CTDSP1: variants seen among roughly 807,000 people sequenced by gnomAD.
The protein encoded by CTDSP1 is carboxy-terminal domain RNA polymerase II polypeptide A small phosphatase 1.
CTDSP1 carries 15 observed loss-of-function variants against 32.5 expected under a neutral mutation model. The observed-to-expected ratio is 0.46, with a 90% CI of 0.31 to 0.71. The LOEUF (loss-of-function observed/expected upper bound fraction) is 0.71. CTDSP1 is among the 30% of genes least tolerant of loss of function. CTDSP1 has a pLI of 0.05. For synonymous variants in CTDSP1, 185 were observed against 145.4 expected (o/e 1.27, Z -1.96); for missense variants, 294 against 351.1 (o/e 0.84, Z 1.30).
chr2:218,401,929 G>A (rs1697166448), intron 2 of CTDSP1, among the ~76,000 whole-genome samples, 182 bp from the exon 3 acceptor site: 1 of 152,202 alleles, frequency 6.6e-6, no homozygotes, highest in Admixed American at 6.5e-5. Flanking sequence ...TTTTTAGAGA[G>A]GTCTCAAAGA....
Position 218,400,302 on chromosome 2 carries a change from G to A in CTDSP1, c.67+145G>A, listed in dbSNP as rs759655402. ...AGCTCCCAGCCCGAGAGGGAGCAGG[G>A]AGAGAGTTTGAACTCAGAGGAGGCT... On this transcript the variant is annotated intron_variant, in intron 1 of 6. Transcript: ENST00000273062. 64 of 796,300 alleles carry A rather than the reference G, an allele frequency of 8.0e-5. No individual in the cohort carries two copies. In the South Asian group the frequency reaches 9.5e-4, roughly 12 times the overall value. The allele number at this position is 796,300 out of a possible 1,614,324, so 49.3% of individuals were successfully genotyped here. A position where few individuals can be genotyped will look rare whatever the true frequency, so the allele number is the denominator to read the frequency against.
chr2:218,398,098 C>T (rs949002296), upstream of CTDSP1, among the ~76,000 whole-genome samples: 1 of 152,130 alleles, frequency 6.6e-6, no homozygotes, highest in African/African-American at 2.4e-5. Context: ...GGCGAGGCCA[C>T]GACTCCACTC....
intron 2 of CTDSP1, 142 bp from the exon 3 acceptor site, chr2:218,401,969 G>A (rs1697167881): frequency 1.4e-6 from 1 of 707,302 alleles, no homozygotes; most frequent in Non-Finnish European, 2.4e-6. Flanking sequence ...CCCTAGAGCT[G>A]GCAGGGGCAA....
Position 218,401,716 on chromosome 2 carries a change from C to T in CTDSP1, c.216+4C>T, listed in dbSNP as rs1308929382. 2.6e-6 allele frequency: 4 copies of T among 1,559,624 alleles called. No homozygotes were observed. Among genetic ancestry groups the T allele is most frequent in the Non-Finnish European group, 3.5e-6 (4 of 1,153,024 alleles). On this transcript the variant is annotated splice_donor_region_variant and intron_variant, in intron 2 of 6. Transcript: ENST00000273062. The stretch of plus-strand genomic sequence containing the variant: ...GGAGAATGGCGCCATCCCTAAGGTG[C>T]GTGGGGGCCAGGTGGGGCCACGGGG...
Position 218,404,602 on chromosome 2 carries a change from TGAG to T in CTDSP1, c.*180_*182del. The T allele has an allele frequency of 1.5e-6, 1 of 684,728 alleles. No individual in the cohort carries two copies. The highest frequency in any genetic ancestry group is 2.4e-6 in the Non-Finnish European group (1 of 421,646). 42.4% of individuals were successfully genotyped at this position (684,728 alleles called of 1,614,324 possible). On this transcript the variant is annotated 3_prime_UTR_variant, in exon 7 of 7. Transcript: ENST00000273062. Reference sequence around the variant, plus strand: ...GCGGTGTAGGGGCAGCAGGCTGCACTGAGGACCGTGAGCTCCAGGCCCCGTGTC... The same window carrying T: ...GCGGTGTAGGGGCAGCAGGCTGCACTGACCGTGAGCTCCAGGCCCCGTGTC...
At chr2:218,401,491 A>T (rs1697136358) in intron 1 of CTDSP1, 73 bp from the exon 2 acceptor site, 2 of 1,558,698 alleles carry the variant, frequency 1.3e-6, no homozygotes, top group African/African-American at 2.7e-5. Context: ...TCAGGGGTTC[A>T]CACCTGGGCA....
chr2:218,401,331 G>C, intron 1 of CTDSP1: 3 of 579,858 alleles, frequency 5.2e-6, no homozygotes, highest in East Asian at 2.9e-5. Flanking sequence ...CACTCCCTAT[G>C]TGGGCGCCTT....
chr2:218,401,657 T>C lies in CTDSP1; in HGVS notation c.161T>C (p.Leu54Pro). 5 of 1,611,382 alleles carry C rather than the reference T, an allele frequency of 3.1e-6. No individual in the cohort carries two copies. Among genetic ancestry groups the C allele is most frequent in the Non-Finnish European group, 4.2e-6 (5 of 1,178,642 alleles). ...GTCTGCCGGGATGATGGGGAGGCCC[T>C]GCCTGCTCACAGCGGGGCGCCCCTG... is the stretch of plus-strand genomic sequence containing the variant. The part of the protein sequence containing the change: ...CCVCRDDGEA[L>P]PAHSGAPLLV... Residue 54 changes from leucine to proline, a missense_variant, in exon 2 of 7, where the codon CTG (leucine) becomes CCG (proline). Physicochemically the swap from Leu to Pro is moderately conservative, Grantham distance 98 (BLOSUM62 -3). Transcript: ENST00000273062.
chr2:218,400,435 C>T, intron 1 of CTDSP1: 1 of 546,350 alleles, frequency 1.8e-6, no homozygotes, highest in Middle Eastern at 2.8e-4. Flanking sequence ...TCCTGGCAGG[C>T]ATTGCGTGGT....
upstream of CTDSP1, chr2:218,399,843 G>C (rs978884914): frequency 8.2e-7 from 1 of 1,220,324 alleles, no homozygotes; most frequent in Non-Finnish European, 1.0e-6. Flanking sequence ...GGGGAGCCTT[G>C]AAACGGCGCC....
intron 1 of CTDSP1, chr2:218,400,969 CCGGA>C: frequency 5.0e-6 from 2 of 400,918 alleles, no homozygotes; most frequent in Admixed American, 5.6e-5. Context: ...TTGCAGGGGG[CCGGA>C]GGGGGGTGGG....
intron 1 of CTDSP1, chr2:218,400,876 A>G (rs1168682379): frequency 3.3e-5 from 15 of 454,792 alleles, no homozygotes; most frequent in Non-Finnish European, 5.3e-5. Context: ...TGTGGACCTC[A>G]GGATCTGGAC....
At chr2:218,401,309 C>G in intron 1 of CTDSP1, 1 of 553,686 alleles carries the variant, frequency 1.8e-6, no homozygotes, top group Non-Finnish European at 3.2e-6. Context: ...GGACCTCCTT[C>G]TCCAGGCCAC....
chr2:218,402,154 A>T lies in CTDSP1; in HGVS notation c.260A>T (p.Asp87Val). The change falls in exon 3 of 7, where the codon GAC becomes GTC. Residue 87 changes from aspartate to valine, a missense_variant. By Grantham distance (152) the Asp-to-Val change is radical. This residue lies in a region of CTDSP1 where 148 missense variants were observed against 113.3 expected (regional missense o/e 1.31). Transcript: ENST00000273062. Reference sequence around the variant, plus strand: ...CTGCTCCCTGAGGCCAAGGCCCAGGACTCAGACAAGATCTGCGTGGTCATC... The same window carrying T: ...CTGCTCCCTGAGGCCAAGGCCCAGGTCTCAGACAAGATCTGCGTGGTCATC... ...QYLLPEAKAQDSDKICVVIDL... is the reference protein window; with the variant it reads ...QYLLPEAKAQVSDKICVVIDL... 6.2e-7 allele frequency: 1 copy of T among 1,613,598 alleles called. No individual in the cohort carries two copies. The highest frequency in any genetic ancestry group is 8.5e-7 in the Non-Finnish European group (1 of 1,179,946).
chr2:218,398,405 G>A (rs1315222373), upstream of CTDSP1: 3 of 1,535,360 alleles, frequency 2.0e-6, no homozygotes, highest in South Asian at 2.4e-5. Flanking sequence ...TCACGGTGAT[G>A]AAGCGCAATG....
At chr2:218,402,838 G>A in intron 4 of CTDSP1, 197 bp from the exon 5 acceptor site, 1 of 669,986 alleles carries the variant, frequency 1.5e-6, no homozygotes, top group Admixed American at 2.2e-5. Flanking sequence ...GGCCAGTGGA[G>A]TGGAAGTTTT....
rs1697020432 is a variant in CTDSP1, at chr2:218,399,925, T to TCCCTCC, written c.-156_-151dup. 6.3e-6 allele frequency: 5 copies of TCCCTCC among 789,828 alleles called. No individual in the cohort carries two copies. In the African/African-American group the frequency reaches 8.9e-5, roughly 14 times the overall value. 48.9% of individuals were successfully genotyped at this position (789,828 alleles called of 1,614,324 possible). On this transcript the variant is annotated 5_prime_UTR_variant, in exon 1 of 7. Transcript: ENST00000273062. The stretch of plus-strand genomic sequence containing the variant: ...GTAACAAAGTTTCCTCCGCGCCCCC[T>TCCCTCC]CCCTCCCCCTCCCCCCTAGAACCTG...
Position 218,401,860 on chromosome 2 carries a change from C to T in CTDSP1, c.216+148C>T. 2.2e-5 allele frequency: 18 copies of T among 818,046 alleles called. No homozygotes were observed. The South Asian group carries it at 3.0e-4, about 13-fold the overall frequency. The allele number at this position is 818,046 out of a possible 1,614,324, so 50.7% of individuals were successfully genotyped here. ...GGGTGGCAGCCTCCCCTGCCAGGCC[C>T]TGCCCACTGTGGGGAAACTGAATTC... is the stretch of plus-strand genomic sequence containing the variant. On this transcript the variant is annotated intron_variant, in intron 2 of 6. Coordinates refer to ENST00000273062, the MANE Select transcript of CTDSP1 (RefSeq NM_021198.3).
chr2:218,401,289 G>C, intron 1 of CTDSP1: 1 of 524,844 alleles, frequency 1.9e-6, no homozygotes, highest in Non-Finnish European at 3.4e-6. Flanking sequence ...GGCAGGGAGA[G>C]AGCACCCCAG....
Sources: gnomAD v4.1 joint callset for allele counts (sites outside exome capture counted in the v4.1 genomes callset) on GRCh38, gnomAD v4.1.1 for gene constraint, gnomAD v4.1.1 regional missense constraint, MANE v1.5 for transcripts, NCBI Gene and HGNC (gene_info 2026-07-23, HGNC 2026-07-21) for gene names.